The following MTCL1 variants were observed in gnomAD, a reference collection of about 807,000 sequenced individuals.
The protein encoded by MTCL1 is microtubule crosslinking factor 1, also known as microtubule cross-linking factor 1.
MTCL1 carries 79 observed loss-of-function variants against 141.4 expected under a neutral mutation model. That is an observed-to-expected ratio of 0.56 (90% CI 0.47 to 0.67). The LOEUF (loss-of-function observed/expected upper bound fraction) is 0.67. Among genes scored for constraint, MTCL1 ranks in the 30% least tolerant of loss-of-function variants. MTCL1 has a pLI of 0.00. For missense variants in MTCL1, 2,177 were observed against 2,113.9 expected (o/e 1.03, Z -0.59); for synonymous variants, 914 against 875.8 (o/e 1.04, Z -0.77).
exon 6 of MTCL1, chr18:8,783,541 C>T (rs761007115): frequency 8.1e-6 from 13 of 1,600,602 alleles, no homozygotes; most frequent in Middle Eastern, 1.7e-4. Context: ...ATGACAGTGC[C>T]GATTTGAGGT....
chr18:8,820,158 C>T (rs1450268471), intron 13 of MTCL1, among the ~76,000 whole-genome samples: 1 of 151,956 alleles, frequency 6.6e-6, no homozygotes, highest in African/African-American at 2.4e-5. Flanking sequence ...GCCTGTAATC[C>T]CAGCACTTTG....
Position 8,705,826 on chromosome 18 carries a change from C to G in MTCL1, c.166C>G (p.Pro56Ala), listed in dbSNP as rs1193256430. The G allele has an allele frequency of 4.2e-6, 5 of 1,178,660 alleles. No homozygotes were observed. The highest frequency in any genetic ancestry group is 5.2e-6 in the Non-Finnish European group (5 of 953,218). 73.0% of individuals were successfully genotyped at this position (1,178,660 alleles called of 1,614,324 possible). The change falls in exon 1 of 14, where the codon CCC becomes GCC. Residue 56 changes from proline (P) to alanine (A), a missense_variant. Physicochemically the swap from Pro to Ala is conservative, Grantham distance 27. Transcript: ENST00000306329. This position sits in a 1 kb window ranked among gnomAD's most constrained non-coding sequence, Gnocchi z 5.2. ...CTTCCTCAAGGACCTGCACGCCCGG[C>G]CCGCCGCGCCCGGCCCGGCCGTCCC...
chr18:8,832,720 T>C (rs1238254956), exon 17 of MTCL1: 4 of 152,230 alleles, frequency 2.6e-5, no homozygotes, highest in African/African-American at 9.6e-5. Flanking sequence ...CACATGATGA[T>C]GCCTCTGGGT....
At chr18:8,809,408 A>G in intron 11 of MTCL1, 1 of 1,519,612 alleles carries the variant, frequency 6.6e-7, no homozygotes, top group Non-Finnish European at 8.8e-7. Context: ...GGAATGAAAG[A>G]ATAAAAAGTA....
intron 4 of MTCL1, among the ~76,000 whole-genome samples, chr18:8,734,445 C>T (rs950886811): frequency 2.6e-5 from 4 of 152,192 alleles, no homozygotes; most frequent in African/African-American, 7.2e-5. Context: ...CCGGAGCCAT[C>T]CCCGTGAAGT....
chr18:8,789,361 C>CCAGAAA (rs1337211148), intron 7 of MTCL1: 6 of 967,242 alleles, frequency 6.2e-6, no homozygotes, highest in Non-Finnish European at 7.4e-6. Context: ...AAGCCATGGT[C>CCAGAAA]ATGGTGATGG....
chr18:8,749,730 G>C (rs1025722922), intron 4 of MTCL1, among the ~76,000 whole-genome samples: 1 of 152,118 alleles, frequency 6.6e-6, no homozygotes, highest in African/African-American at 2.4e-5. Flanking sequence ...GGACCCCAGC[G>C]AACAGGGCTT....
intron 4 of MTCL1, among the ~76,000 whole-genome samples, chr18:8,724,946 C>T (rs1287189298): frequency 1.4e-5 from 2 of 146,508 alleles, no homozygotes; most frequent in Non-Finnish European, 3.0e-5. Context: ...TCTGCTTGTA[C>T]AAAACTCAAA....
chr18:8,785,898 AGAAC>A, intron 6 of MTCL1, 34 bp from the exon 6 acceptor site: 1 of 1,530,526 alleles, frequency 6.5e-7, no homozygotes, highest in Non-Finnish European at 8.8e-7. Flanking sequence ...AAAATTTTAA[AGAAC>A]AACAACAACA....
exon 8 of MTCL1, chr18:8,793,076 C>T (rs752915638): frequency 1.2e-6 from 2 of 1,614,188 alleles, no homozygotes; most frequent in Non-Finnish European, 1.7e-6. Flanking sequence ...GGCGGCCAGA[C>T]TGCATCAAGA....
intron 4 of MTCL1, among the ~76,000 whole-genome samples, chr18:8,736,905 G>T (rs1282115456): frequency 6.6e-6 from 1 of 152,160 alleles, no homozygotes; most frequent in Non-Finnish European, 1.5e-5. Context: ...CTCCGAAAGT[G>T]CTAGGATTAC....
chr18:8,764,180 G>A, intron 4 of MTCL1, among the ~76,000 whole-genome samples: 1 of 152,080 alleles, frequency 6.6e-6, no homozygotes, highest in Non-Finnish European at 1.5e-5. Context: ...AGGAGGGGGT[G>A]ATTAGGACTT....
At chr18:8,766,502 A>G (rs2096460716) in intron 4 of MTCL1, among the ~76,000 whole-genome samples, 1 of 152,238 alleles carries the variant, frequency 6.6e-6, no homozygotes, top group South Asian at 2.1e-4. Flanking sequence ...TGAAAACACC[A>G]GCTCTGGCAA....
intron 9 of MTCL1, among the ~76,000 whole-genome samples, chr18:8,797,693 G>C (rs916789466): frequency 5.9e-5 from 9 of 152,220 alleles, no homozygotes; most frequent in African/African-American, 2.2e-4. Flanking sequence ...AGTGAAGAAA[G>C]TCTTGAAAAA....
chr18:8,780,038 C>G (rs2096527416), intron 5 of MTCL1, among the ~76,000 whole-genome samples: 1 of 152,132 alleles, frequency 6.6e-6, no homozygotes, highest in African/African-American at 2.4e-5. Context: ...GACCTTCTGC[C>G]TGCATGAGGG....
intron 4 of MTCL1, among the ~76,000 whole-genome samples, chr18:8,740,343 A>T (rs1329449735): frequency 6.6e-6 from 1 of 152,216 alleles, no homozygotes; most frequent in Admixed American, 6.5e-5. Flanking sequence ...GAAATCCTTG[A>T]GAAACAAGAC....
intron 16 of MTCL1, chr18:8,829,562 C>A (rs2144553369): frequency 1.0e-6 from 1 of 982,700 alleles, no homozygotes; most frequent in Non-Finnish European, 1.2e-6. Flanking sequence ...TATCTTGAGA[C>A]CTTCCCTCAG....
chr18:8,786,803 A>G (rs967277414), intron 7 of MTCL1: 6 of 181,286 alleles, frequency 3.3e-5, no homozygotes, highest in Admixed American at 3.2e-4. Flanking sequence ...AAGTATGAAT[A>G]ATAGAGAATG....
At chr18:8,731,160 G>A (rs2096248458) in intron 4 of MTCL1, among the ~76,000 whole-genome samples, 1 of 152,080 alleles carries the variant, frequency 6.6e-6, no homozygotes, top group Non-Finnish European at 1.5e-5. Flanking sequence ...CAGGAGAATG[G>A]CGTGAACCCG....
Sources: allele counts gnomAD v4.1 joint callset (sites outside exome capture counted in the v4.1 genomes callset), GRCh38; gene constraint gnomAD v4.1.1; non-coding constraint Gnocchi (gnomAD v3.1); transcripts MANE v1.5; gene names NCBI Gene and HGNC (gene_info 2026-07-23, HGNC 2026-07-21).